Variants in TBC1D1 observed in about 807,000 individuals in gnomAD.
TBC1D1 encodes TBC1 (tre-2/USP6, BUB2, cdc16) domain family, member 1.
In TBC1D1, 89 loss-of-function variants were observed where a neutral mutation model predicts 125.6. That is an observed-to-expected ratio of 0.71 (90% CI 0.60 to 0.85). TBC1D1 has a LOEUF of 0.85. Among genes scored for constraint, TBC1D1 ranks in the 40% least tolerant of loss-of-function variants. TBC1D1 has a pLI of 0.00. For missense variants in TBC1D1, 1,377 were observed against 1,469.2 expected (o/e 0.94, Z 1.03); for synonymous variants, 565 against 564.1 (o/e 1.00, Z -0.02).
In TBC1D1 at chr4:38,021,403, A is replaced by G. The variant is rs567315877; in HGVS notation, c.1078-183A>G. 2.9e-4 allele frequency among the ~76,000 whole-genome samples: 44 copies of G among 152,306 alleles called. No individual in the cohort carries two copies. In the South Asian group the frequency reaches 5.8e-3, roughly 20 times the overall value. On this transcript the variant is annotated intron_variant, in intron 5 of 19. Coordinates refer to ENST00000261439, the MANE Select transcript of TBC1D1 (RefSeq NM_015173.4). ...TACCTGCTTTAAGAGCTTTGAGCATACTTGTAGTATTTTCAGACTGTAATC... is the reference window on the plus strand; with the variant it reads ...TACCTGCTTTAAGAGCTTTGAGCATGCTTGTAGTATTTTCAGACTGTAATC...
At chr4:37,929,271 T>C (rs1722772854) in intron 2 of TBC1D1, among the ~76,000 whole-genome samples, 1 of 152,212 alleles carries the variant, frequency 6.6e-6, no homozygotes. Context: ...TATAAGTATA[T>C]ATAAGATATG....
intron 2 of TBC1D1, among the ~76,000 whole-genome samples, chr4:37,964,512 A>C (rs2152336584): frequency 6.6e-6 from 1 of 152,300 alleles, no homozygotes; most frequent in East Asian, 1.9e-4. Context: ...TTTCCTGTCC[A>C]CTAGCCTGAC....
chr4:38,036,171 A>G (rs1747175111), intron 8 of TBC1D1, among the ~76,000 whole-genome samples: 1 of 152,190 alleles, frequency 6.6e-6, no homozygotes. Context: ...TAGAACTTGG[A>G]TTAATTCCAT....
At chr4:38,066,618 C>A (rs1753770766) in intron 12 of TBC1D1, among the ~76,000 whole-genome samples, 1 of 152,142 alleles carries the variant, frequency 6.6e-6, no homozygotes, top group African/African-American at 2.4e-5. Context: ...CAGGTTGTGC[C>A]ACTGCGCCAG....
rs143667314 is a variant in TBC1D1 at position 38,135,298 on chromosome 4, T to A, written c.3307-1837T>A. Among the ~76,000 whole-genome samples the A allele has an allele frequency of 1.4e-3, 212 of 152,330 alleles. 1 individual carries two copies. The highest frequency in any genetic ancestry group is 4.8e-3 in the African/African-American group (198 of 41,570). ...CGTTGTCTAGACGCTGGAGAGCAAA[T>A]TCTACCACCTCTTTTGTTCAGCAGT... On this transcript the variant is annotated intron_variant, in intron 19 of 19. Transcript: ENST00000261439.
intron 12 of TBC1D1, among the ~76,000 whole-genome samples, chr4:38,058,586 G>T (rs1752188091): frequency 6.6e-6 from 1 of 152,204 alleles, no homozygotes; most frequent in South Asian, 2.1e-4. Flanking sequence ...CCTATTTCAG[G>T]TGCTCAAAAT....
chr4:37,922,936 A>G (rs1029444026), intron 2 of TBC1D1, among the ~76,000 whole-genome samples: 1 of 151,914 alleles, frequency 6.6e-6, no homozygotes, highest in Non-Finnish European at 1.5e-5. Context: ...CAGCTAATGG[A>G]TGGGGTGGCA....
chr4:38,037,043 A>C (rs1475771817), intron 8 of TBC1D1, among the ~76,000 whole-genome samples: 1 of 151,538 alleles, frequency 6.6e-6, no homozygotes, highest in Non-Finnish European at 1.5e-5. Flanking sequence ...ATTTTCTTTT[A>C]TCTGAGTCAG....
intron 18 of TBC1D1, among the ~76,000 whole-genome samples, chr4:38,127,771 T>C (rs55828304): frequency 0.21 from 31,571 of 152,080 alleles, 3,564 homozygotes; most frequent in Non-Finnish European, 0.24. Flanking sequence ...GCCCGGCCCC[T>C]TGTAGAAAGG....
At chr4:37,896,339 T>C (rs1021319640) in intron 1 of TBC1D1, among the ~76,000 whole-genome samples, 2 of 152,142 alleles carry the variant, frequency 1.3e-5, no homozygotes, top group African/African-American at 4.8e-5. Flanking sequence ...TGGAGGGGGC[T>C]GGGAACAAAG....
rs1333517592 is a variant in TBC1D1 at position 38,089,944 on chromosome 4, T to C, written c.2063T>C (p.Leu688Pro). 3 of 1,590,268 alleles carry C rather than the reference T, an allele frequency of 1.9e-6. No homozygotes were observed. Among genetic ancestry groups the C allele is most frequent in the South Asian group, 2.3e-5 (2 of 87,488 alleles). The change falls in exon 13 of 20, where the codon CTG (leucine) becomes CCG (proline). Residue 688 changes from leucine to proline, a missense_variant. Physicochemically the swap from Leu to Pro is moderately conservative, Grantham distance 98. Around this residue, in one of 3 missense-constraint regions of TBC1D1, gnomAD observed 543 missense variants for 613.5 expected, o/e 0.89. Coordinates refer to ENST00000261439, the MANE Select transcript of TBC1D1 (RefSeq NM_015173.4). ...TCTCCCTTTCCAGATTATTCAGAGC[T>C]GGGAGAGCTTCCCCCACGATCTCCT...
chr4:37,926,405 A>T (rs1722121088), intron 2 of TBC1D1, among the ~76,000 whole-genome samples: 1 of 152,164 alleles, frequency 6.6e-6, no homozygotes, highest in Admixed American at 6.5e-5. Context: ...CTGTGAAAGG[A>T]GGTGGCCTTG....
At chr4:37,975,263 G>C (rs1732835219) in intron 2 of TBC1D1, among the ~76,000 whole-genome samples, 1 of 152,168 alleles carries the variant, frequency 6.6e-6, no homozygotes, top group African/African-American at 2.4e-5. Context: ...GAGAAAGAGA[G>C]AGACAGCTTA....
intron 9 of TBC1D1, among the ~76,000 whole-genome samples, 186 bp downstream of exon 9, chr4:38,044,676 T>TA (rs988124640): frequency 2.0e-5 from 3 of 152,060 alleles, no homozygotes; most frequent in Admixed American, 6.6e-5. Flanking sequence ...GGCCTAGGTT[T>TA]AAAAAAAATA....
intron 8 of TBC1D1, among the ~76,000 whole-genome samples, chr4:38,040,363 A>G (rs941115984): frequency 2.6e-5 from 4 of 152,162 alleles, no homozygotes; most frequent in East Asian, 3.9e-4. Flanking sequence ...ATCTTGGCTC[A>G]CTGCAACCTC....
At chr4:37,949,396 C>T (rs966946279) in intron 2 of TBC1D1, among the ~76,000 whole-genome samples, 25 of 152,308 alleles carry the variant, frequency 1.6e-4, no homozygotes, top group South Asian at 4.1e-4. Context: ...AATTCTTACA[C>T]TATTCTGTGT....
intron 2 of TBC1D1, among the ~76,000 whole-genome samples, chr4:37,926,419 C>T (rs1486879888): frequency 1.3e-5 from 2 of 152,172 alleles, no homozygotes; most frequent in Non-Finnish European, 2.9e-5. Flanking sequence ...GGCCTTGCTC[C>T]ATCGCTTGGT....
In TBC1D1 at chr4:37,902,148, C is replaced by A; in HGVS notation, c.53C>A (p.Ser18Ter). 1 of 1,613,178 alleles carries A rather than the reference C, an allele frequency of 6.2e-7. No individual in the cohort carries two copies. The highest frequency in any genetic ancestry group is 8.5e-7 in the Non-Finnish European group (1 of 1,179,670). Reference sequence around the variant, plus strand: ...AAACATCTGCTTTCTAACGAGGTCTCGGTGGATTTTGGCCTGCAGCTGGTG... The same window carrying A: ...AAACATCTGCTTTCTAACGAGGTCTAGGTGGATTTTGGCCTGCAGCTGGTG... Residue 18 changes from serine (S) to a stop codon, truncating the protein, a stop_gained, in exon 2 of 20, where the codon TCG (serine) becomes TAG (stop). Coordinates refer to ENST00000261439, the MANE Select transcript of TBC1D1 (RefSeq NM_015173.4). LOFTEE classifies it high-confidence loss of function.
In TBC1D1 at chr4:38,115,916, C is replaced by T. The variant is rs190882933; in HGVS notation, c.2764C>T (p.Leu922=). The change falls in exon 16 of 20, where the codon CTG becomes TTG. Residue 922 remains leucine, a synonymous_variant. Transcript: ENST00000261439. ...CAAGTTTCTGATGTTTGACATGGGG[C>T]TGCGGAAACAGTATCGGCCAGACAT... The T allele has an allele frequency of 1.4e-5, 22 of 1,614,186 alleles. No individual in the cohort carries two copies. Among genetic ancestry groups the T allele is most frequent in the Non-Finnish European group, 1.9e-5 (22 of 1,180,038 alleles).
Sources: gnomAD v4.1 joint callset for allele counts (sites outside exome capture counted in the v4.1 genomes callset) on GRCh38, gnomAD v4.1.1 for gene constraint, gnomAD v4.1.1 regional missense constraint, MANE v1.5 for transcripts, NCBI Gene and HGNC (gene_info 2026-07-23, HGNC 2026-07-21) for gene names.